Variants in CEACAM20 observed in about 807,000 individuals in gnomAD.
The protein encoded by CEACAM20 is cell adhesion molecule CEACAM20.
In CEACAM20, 50 loss-of-function variants were observed where a neutral mutation model predicts 61.2. The ratio of observed to expected loss-of-function variants is 0.82; its 90% CI spans 0.65 to 1.03. The LOEUF is 1.03. CEACAM20 is among the 50% of genes least tolerant of loss of function. The pLI is 0.00. For synonymous variants in CEACAM20, 282 were observed against 287.7 expected, an observed-to-expected ratio of 0.98 and a Z score of 0.20; for missense variants, 683 against 736.4, an observed-to-expected ratio of 0.93 and a Z score of 0.84.
intron 6 of CEACAM20, among the ~76,000 whole-genome samples, chr19:44,515,442 GA>G (rs1971128142): frequency 6.6e-6 from 1 of 152,098 alleles, no homozygotes; most frequent in East Asian, 1.9e-4. Flanking sequence ...AGGTAATTTG[GA>G]AGTTGATATA....
At chr19:44,518,115 G>A (rs76158360) in intron 5 of CEACAM20, among the ~76,000 whole-genome samples, 5,540 of 44,132 alleles carry the variant, frequency 0.13, 384 homozygotes, top group African/African-American at 0.32. Context: ...AGGAAGGAAG[G>A]AAGGAAGGAA....
chr19:44,513,618 T>C (rs192229870), intron 6 of CEACAM20, among the ~76,000 whole-genome samples: 53 of 151,998 alleles, frequency 3.5e-4, no homozygotes, highest in African/African-American at 1.2e-3. Flanking sequence ...TTGTATTCTT[T>C]GGTAGAGAGG....
intron 1 of CEACAM20, among the ~76,000 whole-genome samples, chr19:44,528,946 C>CTCTT (rs1187313589): frequency 8.4e-4 from 109 of 129,520 alleles, no homozygotes; most frequent in Middle Eastern, 4.0e-3. Context: ...CTGTATTTCT[C>CTCTT]TCTTTCTTTC....
In CEACAM20 at chr19:44,520,680, G is replaced by T. The variant is rs1022889342; in HGVS notation, c.824C>A (p.Thr275Asn). Residue 275 changes from threonine to asparagine, a missense_variant, in exon 5 of 12, where the codon ACC (threonine) becomes AAC (asparagine). Physicochemically the swap from Thr to Asn is moderately conservative, Grantham distance 65. Transcript: ENST00000614924. ...CACACTCTGATTGACGGTTTGGCAG[G>T]TCAGGTCCACAGACCTAGCATTCTC... is the stretch of plus-strand genomic sequence containing the variant. ...LVENARSVDL[T>N]CQTVNQSVNV... 2.5e-6 allele frequency: 4 copies of T among 1,613,874 alleles called. No individual in the cohort carries two copies. The highest frequency in any genetic ancestry group is 3.4e-6 in the Non-Finnish European group (4 of 1,179,878).
intron 11 of CEACAM20, among the ~76,000 whole-genome samples, chr19:44,510,552 GAAAGAAAGAAA>G (rs1970945820): frequency 4.6e-5 from 1 of 21,550 alleles, no homozygotes; most frequent in African/African-American, 2.5e-4. Flanking sequence ...AGGAAGGAAA[GAAAGAAAGAAA>G]GAAAGAAAGA....
At position 44,520,504 on chromosome 19, in the gene CEACAM20, G is replaced by C. The variant is rs533196199; in HGVS notation, c.1000C>G (p.Arg334Gly). ...ATGGTCAGCTCAAGGGGCTCACTCC[G>C]GGCCCGGCTGCCCCAGTTCCAGACC... Reference protein sequence around the residue: ...CEVWNWGSRARSEPLELTINY... With the variant: ...CEVWNWGSRAGSEPLELTINY... The change falls in exon 5 of 12, where the codon CGG (arginine) becomes GGG (glycine). Residue 334 changes from arginine (R) to glycine (G), a missense_variant. Transcript: ENST00000614924. 6.2e-7 allele frequency: 1 copy of C among 1,613,318 alleles called. No homozygotes were observed. Among genetic ancestry groups the C allele is most frequent in the Non-Finnish European group, 8.5e-7 (1 of 1,179,890 alleles).
At chr19:44,510,611 A>AGAAAGAAAGAAAGGAAGGAAGGAAGG (rs71171251) in intron 11 of CEACAM20, among the ~76,000 whole-genome samples, 1 of 72,382 alleles carries the variant, frequency 1.4e-5, no homozygotes, top group African/African-American at 6.4e-5. Context: ...AAAGAAAGAA[A>AGAAAGAAAGAAAGGAAGGAAGGAAGG]AAGGAAGGAA....
intron 6 of CEACAM20, among the ~76,000 whole-genome samples, chr19:44,514,818 T>A (rs952236018): frequency 5.9e-5 from 9 of 151,882 alleles, no homozygotes; most frequent in East Asian, 1.9e-4. Flanking sequence ...ATAGACTTTT[T>A]AAAATTTTTT....
intron 3 of CEACAM20, 50 bp from the exon 4 acceptor site, chr19:44,522,962 T>C: frequency 6.7e-7 from 1 of 1,493,548 alleles, no homozygotes; most frequent in Non-Finnish European, 9.2e-7. Context: ...CAGCAACAGG[T>C]CTCTTATGGA....
Position 44,514,598 on chromosome 19 carries a change from A to G in CEACAM20, c.1310-1309T>C, listed in dbSNP as rs181716839. Among the ~76,000 whole-genome samples the G allele has an allele frequency of 6.3e-3, 959 of 152,090 alleles. 7 individuals are homozygous for G. The highest frequency in any genetic ancestry group is 0.014 in the Middle Eastern group (4 of 294). ...CAAGTAGCTGGAATTACAGGTGTGC[A>G]CTGCCATGCCTGGCTAATTTGTGTG... On this transcript the variant is annotated intron_variant, in intron 6 of 11. Transcript: ENST00000614924.
chr19:44,524,836 C>A (rs1971478029), intron 2 of CEACAM20, among the ~76,000 whole-genome samples: 1 of 151,942 alleles, frequency 6.6e-6, no homozygotes, highest in South Asian at 2.1e-4. Flanking sequence ...CCACCTCAAC[C>A]TCCCAAAGTG....
intron 1 of CEACAM20, 61 bp from the exon 2 acceptor site, chr19:44,525,305 A>G: frequency 6.7e-7 from 1 of 1,485,320 alleles, no homozygotes. Context: ...TGCCCGGCTA[A>G]GGTCTTCAGA....
chr19:44,522,684 T>C lies in CEACAM20; in HGVS notation c.701A>G (p.Asn234Ser). ...HEGLYRCLVS[N>S]SATHLSSLGT... Reference sequence around the variant, plus strand: ...CAGGCTGGACAGGTGGGTGGCACTGTTGGACACCAAGCACCTGTACAGGCC... The same window carrying C: ...CAGGCTGGACAGGTGGGTGGCACTGCTGGACACCAAGCACCTGTACAGGCC... The change falls in exon 4 of 12, where the codon AAC (asparagine) becomes AGC (serine). Residue 234 changes from asparagine (N) to serine (S), a missense_variant. Transcript: ENST00000614924. 6.2e-7 allele frequency: 1 copy of C among 1,613,704 alleles called. No individual in the cohort carries two copies. The highest frequency in any genetic ancestry group is 1.1e-5 in the South Asian group (1 of 91,008).
chr19:44,518,707 C>G (rs1002767735), intron 5 of CEACAM20, among the ~76,000 whole-genome samples: 22 of 152,128 alleles, frequency 1.4e-4, no homozygotes, highest in Admixed American at 1.2e-3. Context: ...CTGCTCCCTC[C>G]TAAACATCAT....
Position 44,510,587 on chromosome 19 carries a change from A to G in CEACAM20, c.1737+443T>C, listed in dbSNP as rs1599663777. ...AAGAAAGAAAGAAAGAAAGAAAGAAAGAAAGAAAGAAAGAAAGAAAGAAAA... is the reference window on the plus strand; with the variant it reads ...AAGAAAGAAAGAAAGAAAGAAAGAAGGAAAGAAAGAAAGAAAGAAAGAAAA... On this transcript the variant is annotated intron_variant, in intron 11 of 11. Transcript: ENST00000614924. Among the ~76,000 whole-genome samples the G allele has an allele frequency of 1.2e-4, 6 of 50,012 alleles. 1 individual carries two copies. Among genetic ancestry groups the G allele is most frequent in the African/African-American group, 6.5e-4 (6 of 9,266 alleles). 32.8% of individuals were successfully genotyped at this position (50,012 alleles called of 152,430 possible).
At chr19:44,521,800 T>G (rs1164265924) in intron 4 of CEACAM20, among the ~76,000 whole-genome samples, 1 of 152,124 alleles carries the variant, frequency 6.6e-6, no homozygotes, top group East Asian at 1.9e-4. Flanking sequence ...ATATATGAGT[T>G]GTGTTTACTG....
intron 2 of CEACAM20, 80 bp downstream of exon 2, chr19:44,525,021 G>A (rs1020480279): frequency 2.6e-6 from 4 of 1,557,634 alleles, no homozygotes; most frequent in Non-Finnish European, 2.6e-6. Context: ...CGTCCTCTGG[G>A]GACTTTGGGC....
intron 6 of CEACAM20, among the ~76,000 whole-genome samples, chr19:44,513,526 C>T (rs764191341): frequency 2.0e-5 from 3 of 149,726 alleles, no homozygotes; most frequent in Non-Finnish European, 3.0e-5. Flanking sequence ...TCACTGCAAC[C>T]TCCAGGTTCA....
intron 6 of CEACAM20, among the ~76,000 whole-genome samples, chr19:44,513,891 T>C (rs999024163): frequency 3.3e-5 from 5 of 152,224 alleles, no homozygotes; most frequent in African/African-American, 1.2e-4. Context: ...TTTATAGGGC[T>C]TCTAGAAAGA....
Sources: allele counts gnomAD v4.1 joint callset (sites outside exome capture counted in the v4.1 genomes callset), GRCh38; gene constraint gnomAD v4.1.1; transcripts MANE v1.5; gene names NCBI Gene and HGNC (gene_info 2026-07-23, HGNC 2026-07-21).